WDR72: variants seen among roughly 807,000 people sequenced by gnomAD.
The protein encoded by WDR72 is WD repeat-containing protein 72.
In WDR72, 120 loss-of-function variants were observed where a neutral mutation model predicts 124.2. The observed-to-expected ratio is 0.97, with a 90% confidence interval of 0.83 to 1.12. The LOEUF is 1.12. Ranked by LOEUF, WDR72 falls within the 50% of genes most tolerant of loss-of-function variation. The probability of loss-of-function intolerance (pLI) is 0.00; values close to 1 mark genes in which losing one functional copy is unlikely to be tolerated. For missense variants in WDR72, 1,387 were observed against 1,278.8 expected, an observed-to-expected ratio of 1.08 and a Z score of -1.29; for synonymous variants, 452 against 441.7, an observed-to-expected ratio of 1.02 and a Z score of -0.29.
At chr15:53,743,714 C>T (rs957793490) in intron 1 of WDR72, among the ~76,000 whole-genome samples, 1 of 152,184 alleles carries the variant, frequency 6.6e-6, no homozygotes, top group Non-Finnish European at 1.5e-5. Context: ...CAGTGGCTCA[C>T]GCCTGTAATC....
chr15:53,524,720 T>C (rs1251705951), intron 18 of WDR72, among the ~76,000 whole-genome samples: 3 of 152,154 alleles, frequency 2.0e-5, no homozygotes, highest in African/African-American at 7.2e-5. Flanking sequence ...CCAGCATAGT[T>C]AGAATTTACT....
intron 18 of WDR72, among the ~76,000 whole-genome samples, chr15:53,535,113 A>G (rs1892693056): frequency 6.6e-6 from 1 of 152,198 alleles, no homozygotes. Flanking sequence ...TCTTAATGTA[A>G]GAATAGACTA....
chr15:53,699,727 A>C, intron 13 of WDR72, 23 bp downstream of exon 13: 1 of 1,610,846 alleles, frequency 6.2e-7, no homozygotes, highest in Non-Finnish European at 8.5e-7. Flanking sequence ...ATAAAGAATG[A>C]AAGGGATAAA....
intron 18 of WDR72, among the ~76,000 whole-genome samples, chr15:53,560,090 G>C (rs2140292532): frequency 6.6e-6 from 1 of 151,980 alleles, no homozygotes; most frequent in African/African-American, 2.4e-5. Context: ...TGAAAAAACA[G>C]AGCCAAACAG....
At chr15:53,554,599 A>G (rs1224530637) in intron 18 of WDR72, among the ~76,000 whole-genome samples, 7 of 152,144 alleles carry the variant, frequency 4.6e-5, no homozygotes, top group Non-Finnish European at 1.0e-4. Flanking sequence ...TTCCAAAGTA[A>G]AGGCACTTGA....
At chr15:53,630,587 T>A (rs2014388022) in intron 14 of WDR72, among the ~76,000 whole-genome samples, 1 of 150,158 alleles carries the variant, frequency 6.7e-6, no homozygotes, top group Non-Finnish European at 1.5e-5. Context: ...ACGTATCATA[T>A]TAATAGAATA....
chr15:53,679,446 C>A (rs4643264), intron 13 of WDR72, among the ~76,000 whole-genome samples: 1 of 151,878 alleles, frequency 6.6e-6, no homozygotes, highest in Non-Finnish European at 1.5e-5. Flanking sequence ...ACCCAAAGAA[C>A]AATATACAGA....
intron 2 of WDR72, among the ~76,000 whole-genome samples, chr15:53,730,015 A>G (rs1463481669): frequency 2.6e-5 from 4 of 152,226 alleles, no homozygotes; most frequent in African/African-American, 4.8e-5. Flanking sequence ...TCCACTTCTC[A>G]GTATGTACCC....
At chr15:53,663,058 G>A (rs1206759924) in intron 14 of WDR72, among the ~76,000 whole-genome samples, 1 of 149,596 alleles carries the variant, frequency 6.7e-6, no homozygotes, top group Admixed American at 6.7e-5. Flanking sequence ...GGAGTGCAGT[G>A]GCACGATCTC....
intron 1 of WDR72, among the ~76,000 whole-genome samples, chr15:53,736,576 G>A (rs959630349): frequency 1.3e-5 from 2 of 152,160 alleles, no homozygotes; most frequent in Non-Finnish European, 2.9e-5. Flanking sequence ...GGATGGTCTG[G>A]CACAAAGTGT....
rs531795193 is a variant in WDR72 at position 53,649,733 on chromosome 15, A to G, written c.1962+15839T>C. Among the ~76,000 whole-genome samples, 23 of 152,306 alleles carry G rather than the reference A, an allele frequency of 1.5e-4. No individual in the cohort carries two copies. In the South Asian group the frequency reaches 4.6e-3, roughly 30 times the overall value. On this transcript the variant is annotated intron_variant, in intron 14 of 19. Coordinates refer to ENST00000360509, the MANE Select transcript of WDR72 (RefSeq NM_182758.4). Reference sequence around the variant, plus strand: ...ATGCAAATCAAAACCACAATGAGATACCACCCAATACCTTTCAGGATGGCT... The same window carrying G: ...ATGCAAATCAAAACCACAATGAGATGCCACCCAATACCTTTCAGGATGGCT...
rs547355243 is a variant in WDR72 at position 53,602,043 on chromosome 15, C to T, written c.2953-4769G>A. On this transcript the variant is annotated intron_variant, in intron 17 of 19. Transcript: ENST00000360509. ...CAAAAACAACAGATTATACATTTCT[C>T]TCATCACCACAGGACACCTATTCTA... 1.1e-4 allele frequency among the ~76,000 whole-genome samples: 16 copies of T among 152,236 alleles called. No individual in the cohort carries two copies. The South Asian group carries it at 3.3e-3, about 32-fold the overall frequency.
intron 18 of WDR72, among the ~76,000 whole-genome samples, chr15:53,566,704 G>C (rs866999008): frequency 5.3e-5 from 8 of 151,922 alleles, no homozygotes; most frequent in Middle Eastern, 3.4e-3. Context: ...TAAGAAGACA[G>C]GAAGGAAAAC....
At chr15:53,559,285 A>T (rs578147571) in intron 18 of WDR72, among the ~76,000 whole-genome samples, 5 of 152,018 alleles carry the variant, frequency 3.3e-5, no homozygotes, top group Non-Finnish European at 7.4e-5. Flanking sequence ...ACAAACTGTA[A>T]TGATGATACA....
intron 16 of WDR72, among the ~76,000 whole-genome samples, chr15:53,611,128 T>C (rs2013522134): frequency 6.6e-6 from 1 of 152,166 alleles, no homozygotes; most frequent in Admixed American, 6.6e-5. Context: ...AAGTGAATAC[T>C]GGTTCCTAAC....
intron 14 of WDR72, among the ~76,000 whole-genome samples, chr15:53,619,700 A>T (rs182939349): frequency 6.6e-6 from 1 of 152,084 alleles, no homozygotes; most frequent in Admixed American, 6.6e-5. Flanking sequence ...TAACCTTTAT[A>T]GTGGTTTAAA....
intron 1 of WDR72, among the ~76,000 whole-genome samples, chr15:53,749,779 C>G (rs1360007759): frequency 2.0e-5 from 3 of 152,136 alleles, no homozygotes; most frequent in African/African-American, 4.8e-5. Context: ...GAAACAATTG[C>G]TGATATGGAG....
chr15:53,565,052 A>G (rs1188736617), intron 18 of WDR72, among the ~76,000 whole-genome samples: 1 of 151,832 alleles, frequency 6.6e-6, no homozygotes. Context: ...ACAGGAAAAA[A>G]ACACTTGATT....
rs767944131 is a variant in WDR72, at chr15:53,616,028, T to G, written c.2178A>C (p.Thr726=). Residue 726 remains threonine, a synonymous_variant, in exon 15 of 20, where the codon ACA becomes ACC. Transcript: ENST00000360509. Reference sequence around the variant, plus strand: ...CACAGGCAGTTTTACTTTTTCTCAGTGTCAGTGTCTTCTTCTCCACTGTGC... The same window carrying G: ...CACAGGCAGTTTTACTTTTTCTCAGGGTCAGTGTCTTCTTCTCCACTGTGC... The part of the protein sequence containing the change: ...AKSTVEKKTL[T]LRKSKTACGP... The G allele has an allele frequency of 1.2e-6, 2 of 1,613,260 alleles. No homozygotes were observed. The highest frequency in any genetic ancestry group is 1.7e-6 in the Non-Finnish European group (2 of 1,179,564).
Sources: allele counts gnomAD v4.1 joint callset (sites outside exome capture counted in the v4.1 genomes callset), GRCh38; gene constraint gnomAD v4.1.1; transcripts MANE v1.5; gene names NCBI Gene and HGNC (gene_info 2026-07-23, HGNC 2026-07-21).